TRAK1: variants seen among roughly 807,000 people sequenced by gnomAD.
TRAK1 encodes the protein trafficking kinesin protein 1.
Under a neutral mutation model 92.1 loss-of-function variants are expected in TRAK1, and 33 were observed. The ratio of observed to expected loss-of-function variants is 0.36; its 90% CI spans 0.27 to 0.48. The LOEUF is 0.48. TRAK1 is among the 20% of genes least tolerant of loss of function. The pLI is 0.99. For synonymous variants in TRAK1, 521 were observed against 517.3 expected, an observed-to-expected ratio of 1.01 and a Z score of -0.10; for missense variants, 1,123 against 1,257.9, an observed-to-expected ratio of 0.89 and a Z score of 1.62.
At chr3:42,208,190 CTATTTA>C (rs1048421975) in intron 13 of TRAK1, among the ~76,000 whole-genome samples, 2 of 152,064 alleles carry the variant, frequency 1.3e-5, no homozygotes, top group African/African-American at 4.8e-5. Context: ...AGAATATTTT[CTATTTA>C]TATTTAATAG....
intron 1 of TRAK1, among the ~76,000 whole-genome samples, chr3:42,032,403 C>T (rs977921573): frequency 6.6e-6 from 1 of 151,088 alleles, no homozygotes; most frequent in South Asian, 2.1e-4. Context: ...CCATGTTGTT[C>T]GTAGCCAGGC....
At chr3:42,092,706 G>GTTA (rs1705244187) in intron 1 of TRAK1, among the ~76,000 whole-genome samples, 3 of 94,428 alleles carry the variant, frequency 3.2e-5, no homozygotes, top group African/African-American at 1.3e-4. Context: ...GTGTTGTGTT[G>GTTA]TGTTGTGTTA....
chr3:42,087,082 C>G (rs1189387100), upstream of TRAK1: 3 of 152,404 alleles, frequency 2.0e-5, no homozygotes. Flanking sequence ...AACTGTGCCC[C>G]TCTCTTTCAA....
chr3:42,172,902 T>C (rs982062180), intron 2 of TRAK1, among the ~76,000 whole-genome samples: 3 of 152,180 alleles, frequency 2.0e-5, no homozygotes, highest in African/African-American at 7.2e-5. Flanking sequence ...TGCCAGCACT[T>C]TGGGAGGCCG....
At position 42,202,940 on chromosome 3, in the gene TRAK1, G is replaced by T. The variant is rs958538466; in HGVS notation, c.1744+188G>T. ...CCTAGGCCTCCGTCCCTCCCCTCTG[G>T]CTGGCAGGTGTGACAATGCACACAT... On this transcript the variant is annotated intron_variant, in intron 13 of 15. Transcript: ENST00000327628. The surrounding 1 kb of genome is among the most constrained non-coding windows in gnomAD (Gnocchi z 6.1). 1.4e-6 allele frequency: 2 copies of T among 1,401,700 alleles called. No individual in the cohort carries two copies. Among genetic ancestry groups the T allele is most frequent in the South Asian group, 1.6e-5 (1 of 60,656 alleles). The allele number at this position is 1,401,700 out of a possible 1,614,324, so 86.8% of individuals were successfully genotyped here.
chr3:42,041,597 CT>C (rs61237103), intron 1 of TRAK1, among the ~76,000 whole-genome samples: 40,056 of 141,208 alleles, frequency 0.28, 9,974 homozygotes, highest in African/African-American at 0.68. Flanking sequence ...TATGAGGGCC[CT>C]TTTTTTTTTT....
rs186846561 is a variant in TRAK1 at position 42,183,315 on chromosome 3, G to A, written c.364-1370G>A. ...TCACACCTGTAATCCCAGCATTTTG[G>A]GAGGTCGAGGAGGGCGAATCACCTG... On this transcript the variant is annotated intron_variant, in intron 3 of 15. Transcript: ENST00000327628. Among the ~76,000 whole-genome samples, 397 of 152,138 alleles carry A rather than the reference G, an allele frequency of 2.6e-3. 3 individuals carry two copies. The highest frequency in any genetic ancestry group is 4.1e-3 in the Non-Finnish European group (277 of 68,012).
At chr3:42,109,931 A>G (rs1433453699) in intron 1 of TRAK1, among the ~76,000 whole-genome samples, 2 of 151,308 alleles carry the variant, frequency 1.3e-5, no homozygotes, top group African/African-American at 4.9e-5. Context: ...GATGGGGAAC[A>G]TCACACACCG....
chr3:42,169,963 TGAGA>T (rs1430402839), intron 2 of TRAK1, among the ~76,000 whole-genome samples: 1 of 152,070 alleles, frequency 6.6e-6, no homozygotes, highest in African/African-American at 2.4e-5. Flanking sequence ...GATGGAGAAG[TGAGA>T]GAAAGACAGT....
At chr3:42,170,705 G>A (rs368919344) in intron 2 of TRAK1, among the ~76,000 whole-genome samples, 2 of 152,042 alleles carry the variant, frequency 1.3e-5, no homozygotes, top group East Asian at 3.8e-4. Context: ...TGAGGGGAGG[G>A]TGGAGCTCAG....
At chr3:42,030,748 T>G (rs1702110183) in intron 1 of TRAK1, among the ~76,000 whole-genome samples, 5 of 136,310 alleles carry the variant, frequency 3.7e-5, no homozygotes, top group Admixed American at 7.2e-5. Flanking sequence ...ATATGTAACT[T>G]GTTGGTCAGG....
intron 2 of TRAK1, among the ~76,000 whole-genome samples, chr3:42,144,166 T>C (rs1052492472): frequency 2.6e-5 from 4 of 152,110 alleles, no homozygotes; most frequent in Non-Finnish European, 5.9e-5. Flanking sequence ...ATCAGTTATG[T>C]TGGAAAAAGC....
At chr3:42,069,174 C>T (rs1361429328) in intron 1 of TRAK1, among the ~76,000 whole-genome samples, 4 of 151,968 alleles carry the variant, frequency 2.6e-5, no homozygotes, top group Non-Finnish European at 5.9e-5. Context: ...TATACACACA[C>T]ACACACAATT....
intron 1 of TRAK1, among the ~76,000 whole-genome samples, chr3:42,069,341 A>G (rs1185643516): frequency 6.6e-6 from 1 of 151,852 alleles, no homozygotes; most frequent in African/African-American, 2.4e-5. Context: ...AGAAAAAAGA[A>G]AAGTTATGGG....
intron 7 of TRAK1, 63 bp downstream of exon 7, chr3:42,191,699 G>A (rs1705763433): frequency 5.9e-6 from 9 of 1,530,918 alleles, no homozygotes; most frequent in East Asian, 4.9e-5. Context: ...AGACAGATTT[G>A]CGTCAGCCTT....
chr3:42,056,412 G>A (rs1277158585), intron 1 of TRAK1, among the ~76,000 whole-genome samples: 2 of 152,146 alleles, frequency 1.3e-5, no homozygotes, highest in African/African-American at 4.8e-5. Flanking sequence ...TTATGGTTTT[G>A]ATTTGCATTT....
At chr3:42,076,175 G>T (rs1303960791) in intron 1 of TRAK1, among the ~76,000 whole-genome samples, 1 of 118,768 alleles carries the variant, frequency 8.4e-6, no homozygotes, top group Admixed American at 8.4e-5. Context: ...TTTGTTTCTT[G>T]TAAATTTGTT....
chr3:42,187,764 G>T (rs1301298410), intron 4 of TRAK1, among the ~76,000 whole-genome samples: 2 of 152,030 alleles, frequency 1.3e-5, no homozygotes, highest in Non-Finnish European at 2.9e-5. Context: ...ACCGTGCCCG[G>T]CCCCCAAGCA....
At chr3:42,203,771 CAA>C (rs1412321891) in intron 13 of TRAK1, 7 of 822,354 alleles carry the variant, frequency 8.5e-6, no homozygotes, top group Non-Finnish European at 1.0e-5. Flanking sequence ...AATCACCCCC[CAA>C]AGACATTTTA....
Sources: gnomAD v4.1 joint callset for allele counts (sites outside exome capture counted in the v4.1 genomes callset) on GRCh38, gnomAD v4.1.1 for gene constraint, Gnocchi (gnomAD v3.1) non-coding constraint, MANE v1.5 for transcripts, NCBI Gene and HGNC (gene_info 2026-07-23, HGNC 2026-07-21) for gene names.